WDR31: variants seen among roughly 807,000 people sequenced by gnomAD.
WDR31 encodes the protein WD repeat domain 31.
WDR31 carries 30 observed loss-of-function variants against 47.3 expected under a neutral mutation model. That is an observed-to-expected ratio of 0.63 (90% CI 0.47 to 0.86). WDR31 has a LOEUF of 0.86. Among genes scored for constraint, WDR31 ranks in the 40% least tolerant of loss-of-function variants. WDR31 has a pLI of 0.00. For synonymous variants in WDR31, 137 were observed against 159.4 expected, an observed-to-expected ratio of 0.86 and a Z score of 1.06; for missense variants, 406 against 442.9, an observed-to-expected ratio of 0.92 and a Z score of 0.75.
At position 113,323,165 on chromosome 9, in the gene WDR31, G is replaced by T; in HGVS notation, c.325-10C>A. On this transcript the variant is annotated splice_polypyrimidine_tract_variant and intron_variant, in intron 5 of 10. Transcript: ENST00000374193. ...TGGGAATACAGGCTACCTGCTCAGG[G>T]AAAAAACAACAACACTGAAATAGCT... The T allele has an allele frequency of 6.2e-7, 1 of 1,607,710 alleles. No individual in the cohort carries two copies. Among genetic ancestry groups the T allele is most frequent in the South Asian group, 1.1e-5 (1 of 89,926 alleles).
intron 2 of WDR31, among the ~76,000 whole-genome samples, chr9:113,333,762 A>C (rs1432297389): frequency 6.6e-6 from 1 of 152,194 alleles, no homozygotes; most frequent in South Asian, 2.1e-4. Context: ...AGATGCTAGA[A>C]ATAATGCCAC....
At chr9:113,320,083 C>G (rs1251350435) in intron 9 of WDR31, among the ~76,000 whole-genome samples, 1 of 152,198 alleles carries the variant, frequency 6.6e-6, no homozygotes, top group Non-Finnish European at 1.5e-5. Context: ...CCATGCCCAG[C>G]TAACTTTTTA....
chr9:113,335,423 C>T (rs1048436334), intron 2 of WDR31, among the ~76,000 whole-genome samples: 4 of 152,148 alleles, frequency 2.6e-5, no homozygotes, highest in Non-Finnish European at 5.9e-5. Flanking sequence ...AGTGGGAGCA[C>T]CCAGTCCCCA....
At chr9:113,328,001 G>A (rs1044133827) in intron 5 of WDR31, among the ~76,000 whole-genome samples, 1 of 152,162 alleles carries the variant, frequency 6.6e-6, no homozygotes, top group Non-Finnish European at 1.5e-5. Flanking sequence ...AAAGCACTGG[G>A]ATTACAGGTA....
intron 2 of WDR31, 29 bp from the exon 3 acceptor site, chr9:113,332,079 G>T: frequency 6.9e-7 from 1 of 1,443,978 alleles, no homozygotes; most frequent in Non-Finnish European, 9.7e-7. Flanking sequence ...AATACATGTT[G>T]TTAATTTTGT....
chr9:113,337,963 T>C (rs141594943), intron 1 of WDR31, among the ~76,000 whole-genome samples: 8 of 152,354 alleles, frequency 5.3e-5, no homozygotes, highest in African/African-American at 1.9e-4. Context: ...CTCAAGTTTA[T>C]ACTGCAAATA....
chr9:113,335,895 C>T (rs567337630), intron 2 of WDR31, among the ~76,000 whole-genome samples: 2 of 152,244 alleles, frequency 1.3e-5, no homozygotes, highest in East Asian at 3.9e-4. Context: ...TCTTTGTACC[C>T]CAAGTGGCTT....
intron 7 of WDR31, 45 bp downstream of exon 7, chr9:113,322,766 T>C (rs1833352609): frequency 1.3e-6 from 2 of 1,591,714 alleles, no homozygotes; most frequent in South Asian, 1.1e-5. Flanking sequence ...CTTCACCCCA[T>C]GCTCCTTTCT....
chr9:113,321,609 C>A, intron 7 of WDR31, 31 bp from the exon 8 acceptor site: 1 of 1,595,282 alleles, frequency 6.3e-7, no homozygotes. Flanking sequence ...AGAACTTCTC[C>A]ACACCAAGTC....
rs1163076617 is a variant in WDR31, at chr9:113,318,539, C to T, written c.879G>A (p.Leu293=). Reference sequence around the variant, plus strand: ...GTGATGAGGTAGCAATTAAAGGCATCAAGGCCAATGCTCTTGGTAGAAAGA... The same window carrying T: ...GTGATGAGGTAGCAATTAAAGGCATTAAGGCCAATGCTCTTGGTAGAAAGA... The part of the protein sequence containing the change: ...SCVFLPRALA[L]MPLIATSSHD... Residue 293 remains leucine (L), a synonymous_variant, in exon 10 of 11, where the codon TTG becomes TTA. Transcript: ENST00000374193. 9.3e-6 allele frequency: 15 copies of T among 1,614,116 alleles called. No individual in the cohort carries two copies. The highest frequency in any genetic ancestry group is 2.2e-5 in the East Asian group (1 of 44,896).
intron 5 of WDR31, among the ~76,000 whole-genome samples, chr9:113,328,162 G>A (rs1833518040): frequency 6.6e-6 from 1 of 152,318 alleles, no homozygotes; most frequent in South Asian, 2.1e-4. Context: ...ATAAAGGGCT[G>A]TTGGGAGGAC....
At chr9:113,330,854 T>C in intron 4 of WDR31, 130 bp downstream of exon 4, 1 of 1,072,144 alleles carries the variant, frequency 9.3e-7, no homozygotes, top group Non-Finnish European at 1.3e-6. Context: ...ATCCAGTCTT[T>C]CTAACTCTAA....
intron 5 of WDR31, among the ~76,000 whole-genome samples, chr9:113,324,818 A>AT (rs962046639): frequency 1.1e-4 from 10 of 92,744 alleles, no homozygotes; most frequent in Non-Finnish European, 1.9e-4. Flanking sequence ...CAATGCTGCT[A>AT]TATATATATA....
chr9:113,322,984 A>G, intron 6 of WDR31, 27 bp downstream of exon 6: 1 of 1,613,832 alleles, frequency 6.2e-7, no homozygotes, highest in Non-Finnish European at 8.5e-7. Flanking sequence ...GCACAAAGGC[A>G]TTGGGAAGAG....
rs201452619 is a variant in WDR31 at position 113,321,564 on chromosome 9, G to T, written c.585C>A (p.Cys195Ter). The T allele has an allele frequency of 2.9e-5, 47 of 1,614,200 alleles. No homozygotes were observed. Among genetic ancestry groups the T allele is most frequent in the Non-Finnish European group, 3.5e-5 (41 of 1,180,028 alleles). Residue 195 changes from cysteine (C) to a stop codon, truncating the protein, a stop_gained, in exon 8 of 11, where the codon TGC (cysteine) becomes TGA (stop). Coordinates refer to ENST00000374193, the MANE Select transcript of WDR31 (RefSeq NM_001012361.4). LOFTEE classifies it high-confidence loss of function. ...GTATGTATGGTTCTCTGGGGACCCA[G>T]CACAGGTGAGTGACCTAGAAAAAGC... ...SVSRNVVTHLCWVPREPYILQ... is the reference protein window; with the variant it reads ...SVSRNVVTHL
intron 5 of WDR31, among the ~76,000 whole-genome samples, chr9:113,327,489 TTCTC>T (rs1481182996): frequency 1.3e-5 from 2 of 151,902 alleles, no homozygotes; most frequent in South Asian, 2.1e-4. Context: ...ACACAGTCAA[TTCTC>T]TCTCACTTTC....
chr9:113,331,797 C>T, intron 3 of WDR31, 110 bp downstream of exon 3: 4 of 977,772 alleles, frequency 4.1e-6, no homozygotes, highest in Non-Finnish European at 3.1e-6. Context: ...CAGGGAAGGC[C>T]AACTATTCAG....
chr9:113,323,732 T>A (rs1250490224), intron 5 of WDR31, among the ~76,000 whole-genome samples: 1 of 152,254 alleles, frequency 6.6e-6, no homozygotes, highest in African/African-American at 2.4e-5. Context: ...TCAGATCATG[T>A]CACCTTGGTG....
rs1833635427 is a variant in WDR31, at chr9:113,333,122, A to G, written c.-28-1072T>C. ...TTTTTTATAGCAACACAAACAAACA[A>G]AGAGGCAGAGTTTCCTTTTGGAGTG... On this transcript the variant is annotated intron_variant, in intron 2 of 10. Coordinates refer to ENST00000374193, the MANE Select transcript of WDR31 (RefSeq NM_001012361.4). Among the ~76,000 whole-genome samples the G allele has an allele frequency of 2.6e-5, 4 of 152,150 alleles. No homozygotes were observed. The South Asian group carries it at 8.3e-4, about 32-fold the overall frequency.
Sources: gnomAD v4.1 joint callset for allele counts (sites outside exome capture counted in the v4.1 genomes callset) on GRCh38, gnomAD v4.1.1 for gene constraint, MANE v1.5 for transcripts, NCBI Gene and HGNC (gene_info 2026-07-23, HGNC 2026-07-21) for gene names.